The following MACROD2 variants were observed in gnomAD, a reference collection of about 807,000 sequenced individuals.
MACROD2 encodes the protein ADP-ribose glycohydrolase MACROD2.
MACROD2 carries 36 observed loss-of-function variants against 70.4 expected under a neutral mutation model. The observed-to-expected ratio is 0.51, with a 90% CI of 0.39 to 0.68. The LOEUF (loss-of-function observed/expected upper bound fraction) is 0.68. Ranked by LOEUF, MACROD2 falls within the 30% of genes least tolerant of loss-of-function variation. The pLI is 0.00. For synonymous variants in MACROD2, 172 were observed against 178.8 expected (o/e 0.96, Z 0.30); for missense variants, 496 against 538.4 (o/e 0.92, Z 0.78).
chr20:15,975,743 C>G (rs1013473480), intron 13 of MACROD2, among the ~76,000 whole-genome samples: 1 of 152,190 alleles, frequency 6.6e-6, no homozygotes, highest in Non-Finnish European at 1.5e-5. Flanking sequence ...AAATTATCCA[C>G]AATTCTCAAT....
At chr20:14,959,183 G>A (rs2074562395) in intron 5 of MACROD2, among the ~76,000 whole-genome samples, 1 of 152,164 alleles carries the variant, frequency 6.6e-6, no homozygotes. Context: ...CCAGGCTGGA[G>A]TGCAGTAGCG....
chr20:14,895,737 A>C (rs1320993621), intron 5 of MACROD2, among the ~76,000 whole-genome samples: 3 of 152,124 alleles, frequency 2.0e-5, no homozygotes, highest in Admixed American at 2.0e-4. Flanking sequence ...AAAGATAAAA[A>C]TATTATCATC....
chr20:15,324,044 C>T (rs2077900932), intron 6 of MACROD2, among the ~76,000 whole-genome samples: 1 of 151,984 alleles, frequency 6.6e-6, no homozygotes, highest in African/African-American at 2.4e-5. Context: ...AACAAGATCT[C>T]TACAATGAAT....
intron 8 of MACROD2, among the ~76,000 whole-genome samples, chr20:15,612,687 T>C (rs1040167468): frequency 5.3e-5 from 8 of 152,226 alleles, no homozygotes; most frequent in Non-Finnish European, 1.2e-4. Flanking sequence ...AGAGAATGAA[T>C]AGAAACGATG....
chr20:16,001,620 C>T (rs1182763642), intron 15 of MACROD2, among the ~76,000 whole-genome samples: 1 of 152,050 alleles, frequency 6.6e-6, no homozygotes, highest in Non-Finnish European at 1.5e-5. Flanking sequence ...ATTTTATAAA[C>T]TGCAGAGAAA....
At chr20:14,644,341 A>T (rs1427422880) in intron 4 of MACROD2, among the ~76,000 whole-genome samples, 1 of 152,198 alleles carries the variant, frequency 6.6e-6, no homozygotes, top group Non-Finnish European at 1.5e-5. Flanking sequence ...CAATCTTCAA[A>T]AGCCCATTTC....
chr20:14,037,317 G>A (rs1362262530), intron 2 of MACROD2, among the ~76,000 whole-genome samples: 1 of 152,064 alleles, frequency 6.6e-6, no homozygotes, highest in Non-Finnish European at 1.5e-5. Flanking sequence ...ATGCATTATA[G>A]GTTTCTATAA....
At chr20:14,199,750 T>C (rs1220028271) in intron 3 of MACROD2, among the ~76,000 whole-genome samples, 1 of 152,170 alleles carries the variant, frequency 6.6e-6, no homozygotes, top group African/African-American at 2.4e-5. Flanking sequence ...AGGCTAATTA[T>C]TTTACATATA....
intron 4 of MACROD2, among the ~76,000 whole-genome samples, chr20:14,620,413 G>A (rs1983760860): frequency 6.6e-6 from 1 of 152,082 alleles, no homozygotes; most frequent in Middle Eastern, 3.4e-3. Flanking sequence ...ATGTTGTTTG[G>A]TCTGGAACAT....
At chr20:15,993,968 A>T (rs1218594645) in intron 15 of MACROD2, among the ~76,000 whole-genome samples, 2 of 152,168 alleles carry the variant, frequency 1.3e-5, no homozygotes, top group Non-Finnish European at 2.9e-5. Flanking sequence ...GGAGGGTGAC[A>T]CCCAACCTTC....
At chr20:15,363,921 A>G (rs1291194705) in intron 6 of MACROD2, among the ~76,000 whole-genome samples, 1 of 152,158 alleles carries the variant, frequency 6.6e-6, no homozygotes, top group Non-Finnish European at 1.5e-5. Context: ...TAGCACATCC[A>G]TTCATTATGT....
At chr20:15,911,936 G>A (rs1435603225) in intron 10 of MACROD2, among the ~76,000 whole-genome samples, 1 of 152,192 alleles carries the variant, frequency 6.6e-6, no homozygotes, top group Non-Finnish European at 1.5e-5. Flanking sequence ...AACCCCGGAG[G>A]CAGAGGTTGC....
intron 5 of MACROD2, among the ~76,000 whole-genome samples, chr20:14,871,758 T>C (rs1417038518): frequency 6.6e-6 from 1 of 152,056 alleles, no homozygotes. Flanking sequence ...ATCATAGATA[T>C]GCTATCTTCA....
intron 8 of MACROD2, among the ~76,000 whole-genome samples, chr20:15,726,328 C>T (rs1163263849): frequency 6.6e-6 from 1 of 152,096 alleles, no homozygotes; most frequent in East Asian, 1.9e-4. Flanking sequence ...ATCCAGTCCA[C>T]CATTGACAGA....
At chr20:14,118,649 C>CT (rs1199216423) in intron 3 of MACROD2, among the ~76,000 whole-genome samples, 1 of 152,126 alleles carries the variant, frequency 6.6e-6, no homozygotes, top group Non-Finnish European at 1.5e-5. Flanking sequence ...CTTACACAGA[C>CT]TTTTCATTTT....
At chr20:14,077,349 A>G (rs1729052734) in intron 2 of MACROD2, among the ~76,000 whole-genome samples, 1 of 152,186 alleles carries the variant, frequency 6.6e-6, no homozygotes, top group South Asian at 2.1e-4. Context: ...TTACACTATA[A>G]AGAAACAAAT....
intron 8 of MACROD2, among the ~76,000 whole-genome samples, chr20:15,841,696 T>C (rs769673350): frequency 6.6e-6 from 1 of 151,942 alleles, no homozygotes; most frequent in Non-Finnish European, 1.5e-5. Context: ...TACAATGCAA[T>C]GTAAGATGTA....
chr20:14,675,796 G>A (rs983152065), intron 4 of MACROD2, among the ~76,000 whole-genome samples: 3 of 152,078 alleles, frequency 2.0e-5, no homozygotes, highest in African/African-American at 7.2e-5. Context: ...GCTGTGTTCA[G>A]GAGACCCATC....
intron 5 of MACROD2, among the ~76,000 whole-genome samples, chr20:14,789,930 T>C (rs200811699): frequency 2.6e-5 from 4 of 152,016 alleles, no homozygotes; most frequent in East Asian, 1.9e-4. Flanking sequence ...AGTTTTGAAA[T>C]AGGAAAACCA....
Sources: allele counts gnomAD v4.1 joint callset (sites outside exome capture counted in the v4.1 genomes callset), GRCh38; gene constraint gnomAD v4.1.1; transcripts MANE v1.5; gene names NCBI Gene and HGNC (gene_info 2026-07-23, HGNC 2026-07-21).